The following OXSR1 variants were observed in gnomAD, a reference collection of about 807,000 sequenced individuals.
OXSR1 encodes the protein serine/threonine-protein kinase OSR1.
A neutral mutation model predicts 79.8 loss-of-function variants in OXSR1; 24 were observed. The observed-to-expected ratio is 0.30, with a 90% CI of 0.22 to 0.42. The LOEUF is 0.42. Among genes scored for constraint, OXSR1 ranks in the 10% least tolerant of loss-of-function variants. The pLI, the probability that OXSR1 is intolerant of heterozygous loss-of-function variation, is 1.00. For missense variants in OXSR1, 430 were observed against 618.4 expected, an observed-to-expected ratio of 0.70 and a Z score of 3.23; for synonymous variants, 226 against 209.2, an observed-to-expected ratio of 1.08 and a Z score of -0.69.
intron 4 of OXSR1, among the ~76,000 whole-genome samples, chr3:38,214,918 T>C (rs1231305444): frequency 6.6e-6 from 1 of 152,222 alleles, no homozygotes; most frequent in African/African-American, 2.4e-5. Flanking sequence ...TTTCACTGGC[T>C]CCTTTTCATG....
intron 12 of OXSR1, among the ~76,000 whole-genome samples, chr3:38,244,666 T>TGTGTGTGCGC (rs748851263): frequency 4.9e-5 from 7 of 143,954 alleles, no homozygotes; most frequent in African/African-American, 7.9e-5. Flanking sequence ...TGTGTGTGTG[T>TGTGTGTGCGC]GCGTGCGCAT....
chr3:38,180,953 C>G (rs956732614), intron 1 of OXSR1, among the ~76,000 whole-genome samples: 3 of 152,134 alleles, frequency 2.0e-5, no homozygotes, highest in Non-Finnish European at 4.4e-5. Context: ...GATAATCTTC[C>G]CATCTCAAGA....
chr3:38,235,923 A>T (rs1320362416), intron 10 of OXSR1, among the ~76,000 whole-genome samples: 2 of 152,202 alleles, frequency 1.3e-5, no homozygotes. Context: ...CCTCTGGCTG[A>T]TGGTAGAATT....
rs762911003 is a variant in OXSR1, at chr3:38,252,919, G to A, written c.*28G>A. On this transcript the variant is annotated 3_prime_UTR_variant, in exon 18 of 18. Transcript: ENST00000311806. ...CACAACCCTGGAAGAGGCGGCCTAAGGAGATTCCACACATGCGTATCTCTG... is the reference window on the plus strand; with the variant it reads ...CACAACCCTGGAAGAGGCGGCCTAAAGAGATTCCACACATGCGTATCTCTG... 6.3e-7 allele frequency: 1 copy of A among 1,589,672 alleles called. No homozygotes were observed. The highest frequency in any genetic ancestry group is 1.7e-5 in the Admixed American group (1 of 59,906).
At chr3:38,228,400 A>T (rs1702735660) in intron 8 of OXSR1, among the ~76,000 whole-genome samples, 1 of 152,240 alleles carries the variant, frequency 6.6e-6, no homozygotes, top group Non-Finnish European at 1.5e-5. Context: ...TTCAGTTTGC[A>T]TAGCACTTTC....
chr3:38,211,841 T>C (rs948644733), intron 4 of OXSR1, among the ~76,000 whole-genome samples: 2 of 152,228 alleles, frequency 1.3e-5, no homozygotes, highest in African/African-American at 4.8e-5. Context: ...AGCTGTGTGG[T>C]ATTTTCCCCC....
At chr3:38,169,074 A>G (rs1701524274) in intron 1 of OXSR1, among the ~76,000 whole-genome samples, 1 of 152,232 alleles carries the variant, frequency 6.6e-6, no homozygotes, top group South Asian at 2.1e-4. Context: ...TGTTCCTACT[A>G]GTAATTATAA....
intron 16 of OXSR1, 53 bp downstream of exon 16, chr3:38,251,524 A>C: frequency 1.4e-6 from 2 of 1,402,136 alleles, no homozygotes; most frequent in Non-Finnish European, 2.0e-6. Context: ...CTGTATACTT[A>C]GTACATAGAA....
chr3:38,211,810 T>A (rs989576179), intron 4 of OXSR1, among the ~76,000 whole-genome samples: 1 of 152,198 alleles, frequency 6.6e-6, no homozygotes, highest in South Asian at 2.1e-4. Context: ...ACCTTGAGAA[T>A]TTTTTCCTTA....
At chr3:38,221,236 G>C (rs1014413889) in intron 5 of OXSR1, among the ~76,000 whole-genome samples, 12 of 152,124 alleles carry the variant, frequency 7.9e-5, no homozygotes, top group African/African-American at 2.9e-4. Flanking sequence ...ATGATGATAT[G>C]TGGGGGTGGA....
chr3:38,242,748 C>A lies in OXSR1; in HGVS notation c.1080C>A (p.Pro360=). ...CCTTTTTGTATTTCGTTTAGTCTCCCCGAGTGAAAGAATCAATATCAAATT... is the reference window on the plus strand; with the variant it reads ...CCTTTTTGTATTTCGTTTAGTCTCCACGAGTGAAAGAATCAATATCAAATT... ...GKAAISQLRS[P]RVKESISNSE... Residue 360 remains proline, a synonymous_variant, in exon 12 of 18, where the codon CCC becomes CCA. Transcript: ENST00000311806. 6.4e-7 allele frequency: 1 copy of A among 1,561,956 alleles called. No homozygotes were observed. The highest frequency in any genetic ancestry group is 8.7e-7 in the Non-Finnish European group (1 of 1,143,380).
rs1388271523 is a variant in OXSR1, at chr3:38,252,817, G to T, written c.1510G>T (p.Ala504Ser). 1 of 1,610,446 alleles carries T rather than the reference G, an allele frequency of 6.2e-7. No homozygotes were observed. Residue 504 changes from alanine to serine, a missense_variant and splice_region_variant, in exon 18 of 18, where the codon GCA (alanine) becomes TCA (serine). Ala to Ser is a moderately conservative substitution (Grantham distance 99, BLOSUM62 1). Coordinates refer to ENST00000311806, the MANE Select transcript of OXSR1 (RefSeq NM_005109.3). ...QSNRSVTFKL[A>S]SGVEGSDIPD... Reference sequence around the variant, plus strand: ...GTTTCTCATTTTGTTTGGTTCTTAGGCATCTGGTGTCGAAGGCTCAGATAT... The same window carrying T: ...GTTTCTCATTTTGTTTGGTTCTTAGTCATCTGGTGTCGAAGGCTCAGATAT...
intron 3 of OXSR1, among the ~76,000 whole-genome samples, chr3:38,195,200 A>G (rs1048437495): frequency 6.6e-6 from 1 of 152,230 alleles, no homozygotes; most frequent in East Asian, 1.9e-4. Context: ...AAAGTAATTA[A>G]GAAAACTTCT....
intron 4 of OXSR1, among the ~76,000 whole-genome samples, chr3:38,199,342 C>T (rs1371376068): frequency 2.6e-5 from 4 of 151,196 alleles, no homozygotes; most frequent in African/African-American, 9.7e-5. Flanking sequence ...TAACTCACTG[C>T]AACCTCGAAC....
intron 17 of OXSR1, 39 bp from the exon 18 acceptor site, chr3:38,252,778 T>A: frequency 6.5e-7 from 1 of 1,542,462 alleles, no homozygotes; most frequent in Non-Finnish European, 9.0e-7. Context: ...CAAGTTTGTT[T>A]ATAAATAATC....
At chr3:38,223,735 C>T (rs1702635325) in intron 6 of OXSR1, 77 bp from the exon 7 acceptor site, 3 of 979,472 alleles carry the variant, frequency 3.1e-6, no homozygotes, top group African/African-American at 3.3e-5. Flanking sequence ...CAGGTGTGAG[C>T]CTCCACCCTG....
At chr3:38,236,234 A>C (rs976999859) in intron 10 of OXSR1, among the ~76,000 whole-genome samples, 2 of 20,002 alleles carry the variant, frequency 1.0e-4, no homozygotes, top group African/African-American at 4.2e-4. Context: ...ACAGAGTTAA[A>C]TTTTCATCTT....
intron 2 of OXSR1, among the ~76,000 whole-genome samples, chr3:38,186,535 G>T (rs931207264): frequency 9.9e-5 from 15 of 152,098 alleles, no homozygotes; most frequent in African/African-American, 3.6e-4. Context: ...TGCCTATTCT[G>T]GACATTTCAT....
intron 4 of OXSR1, among the ~76,000 whole-genome samples, chr3:38,204,058 C>T (rs1325330613): frequency 6.6e-6 from 1 of 152,130 alleles, no homozygotes; most frequent in Non-Finnish European, 1.5e-5. Flanking sequence ...AAGACAGGGT[C>T]CTTCCCACTC....
Sources: gnomAD v4.1 joint callset for allele counts (sites outside exome capture counted in the v4.1 genomes callset) on GRCh38, gnomAD v4.1.1 for gene constraint, MANE v1.5 for transcripts, NCBI Gene and HGNC (gene_info 2026-07-23, HGNC 2026-07-21) for gene names.